UBE2E2: variants seen among roughly 807,000 people sequenced by gnomAD.
UBE2E2 encodes ubiquitin conjugating enzyme E2 E2.
Under a neutral mutation model 24.7 loss-of-function variants are expected in UBE2E2, and 6 were observed. The observed-to-expected ratio is 0.24, with a 90% confidence interval of 0.13 to 0.48. The LOEUF (loss-of-function observed/expected upper bound fraction) is 0.48, where lower values mean the gene tolerates loss of function less well. UBE2E2 is among the 20% of genes least tolerant of loss of function. The pLI, the probability that UBE2E2 is intolerant of heterozygous loss-of-function variation, is 0.99. For synonymous variants in UBE2E2, 104 were observed against 83.6 expected, an observed-to-expected ratio of 1.24 and a Z score of -1.33; for missense variants, 169 against 245.0, an observed-to-expected ratio of 0.69 and a Z score of 2.07.
intron 4 of UBE2E2, among the ~76,000 whole-genome samples, chr3:23,500,699 C>T (rs894161598): frequency 3.3e-5 from 5 of 152,154 alleles, no homozygotes; most frequent in African/African-American, 1.2e-4. Flanking sequence ...AATTCCCCTC[C>T]CTCCTCTTTT....
At chr3:23,247,571 C>T (rs11713392) in intron 3 of UBE2E2, among the ~76,000 whole-genome samples, 25,426 of 152,110 alleles carry the variant, frequency 0.17, 2,258 homozygotes, top group South Asian at 0.25. Context: ...TCAGGCTGGT[C>T]TCAAACTCTC....
chr3:23,296,627 A>G (rs902439418), intron 3 of UBE2E2, among the ~76,000 whole-genome samples: 2 of 152,174 alleles, frequency 1.3e-5, no homozygotes, highest in African/African-American at 2.4e-5. Context: ...GTCCCTGCAA[A>G]GGACATGAAC....
chr3:23,512,618 A>G (rs1320355945), intron 4 of UBE2E2, among the ~76,000 whole-genome samples: 5 of 152,122 alleles, frequency 3.3e-5, no homozygotes, highest in Non-Finnish European at 7.4e-5. Flanking sequence ...AAGGTTAAAT[A>G]AGATTTTTTG....
intron 3 of UBE2E2, among the ~76,000 whole-genome samples, chr3:23,461,695 G>GT (rs1458389846): frequency 6.6e-6 from 1 of 151,936 alleles, no homozygotes; most frequent in Non-Finnish European, 1.5e-5. Context: ...AAAAGCTCAT[G>GT]TTTTTTCATA....
At chr3:23,446,708 T>TTTG (rs1698439307) in intron 3 of UBE2E2, among the ~76,000 whole-genome samples, 1 of 142,414 alleles carries the variant, frequency 7.0e-6, no homozygotes, top group Non-Finnish European at 1.5e-5. Context: ...GGTTTTTTTT[T>TTTG]TTTTTTTTTT....
intron 3 of UBE2E2, among the ~76,000 whole-genome samples, chr3:23,243,275 C>G (rs567917390): frequency 5.3e-5 from 8 of 152,180 alleles, no homozygotes; most frequent in Non-Finnish European, 1.0e-4. Flanking sequence ...AACAATACTA[C>G]TACTAATACC....
chr3:23,507,661 A>G (rs1316810967), intron 4 of UBE2E2, among the ~76,000 whole-genome samples: 1 of 152,180 alleles, frequency 6.6e-6, no homozygotes, highest in Non-Finnish European at 1.5e-5. Flanking sequence ...TTTATCTCCA[A>G]TTATAGAGAA....
At chr3:23,542,734 A>G (rs1695421757) in intron 5 of UBE2E2, among the ~76,000 whole-genome samples, 1 of 152,138 alleles carries the variant, frequency 6.6e-6, no homozygotes. Context: ...CAAGATAAGT[A>G]TTTAATTTTT....
intron 3 of UBE2E2, among the ~76,000 whole-genome samples, chr3:23,333,078 A>G (rs1695109523): frequency 1.3e-5 from 2 of 152,064 alleles, no homozygotes; most frequent in African/African-American, 2.4e-5. Flanking sequence ...ATATCTCTAT[A>G]TTGGTTCTGT....
intron 3 of UBE2E2, among the ~76,000 whole-genome samples, chr3:23,257,256 A>C (rs1271463753): frequency 2.6e-5 from 4 of 152,202 alleles, no homozygotes; most frequent in Non-Finnish European, 5.9e-5. Context: ...CACATGGCTC[A>C]GGCTAAGATC....
intron 5 of UBE2E2, among the ~76,000 whole-genome samples, chr3:23,541,772 A>G (rs1695401864): frequency 6.6e-6 from 1 of 152,198 alleles, no homozygotes; most frequent in African/African-American, 2.4e-5. Flanking sequence ...GTGCTATTCA[A>G]GTGCCTCGGC....
chr3:23,214,106 G>C (rs1696403463), intron 2 of UBE2E2, among the ~76,000 whole-genome samples: 1 of 152,090 alleles, frequency 6.6e-6, no homozygotes. Context: ...TTAGGTAACA[G>C]TAGCTCAAAA....
chr3:23,247,999 AG>A (rs1476734637), intron 3 of UBE2E2, among the ~76,000 whole-genome samples: 2 of 152,256 alleles, frequency 1.3e-5, no homozygotes. Flanking sequence ...ATAAAGCTTT[AG>A]AAAGTCCGTT....
chr3:23,361,797 C>G (rs1246771212), intron 3 of UBE2E2, among the ~76,000 whole-genome samples: 1 of 140,248 alleles, frequency 7.1e-6, no homozygotes, highest in Non-Finnish European at 1.5e-5. Flanking sequence ...CTACTTGCAT[C>G]CCCAAAAACT....
At chr3:23,314,073 G>C (rs1267574593) in intron 3 of UBE2E2, among the ~76,000 whole-genome samples, 1 of 152,082 alleles carries the variant, frequency 6.6e-6, no homozygotes, top group Non-Finnish European at 1.5e-5. Context: ...TTAACTTTTT[G>C]CTGTTTTTAC....
intron 3 of UBE2E2, among the ~76,000 whole-genome samples, chr3:23,396,347 C>T (rs373435008): frequency 7.9e-6 from 1 of 127,250 alleles, no homozygotes; most frequent in Non-Finnish European, 1.7e-5. Flanking sequence ...ATATATATAG[C>T]ATTTTATTTT....
chr3:23,355,127 G>C (rs1338295729), intron 3 of UBE2E2, among the ~76,000 whole-genome samples: 2 of 151,366 alleles, frequency 1.3e-5, no homozygotes, highest in East Asian at 3.9e-4. Context: ...ACTATCACAA[G>C]GACAGAAAAA....
chr3:23,544,547 A>G (rs935471543), intron 5 of UBE2E2, among the ~76,000 whole-genome samples: 1 of 152,228 alleles, frequency 6.6e-6, no homozygotes, highest in Non-Finnish European at 1.5e-5. Flanking sequence ...AGTTAAAAAC[A>G]GTAGATATTG....
At chr3:23,272,298 G>T (rs1239263185) in intron 3 of UBE2E2, among the ~76,000 whole-genome samples, 2 of 149,420 alleles carry the variant, frequency 1.3e-5, no homozygotes, top group Non-Finnish European at 3.0e-5. Context: ...GCTTCTCTGA[G>T]TGTGGGGCCT....
Sources: allele counts gnomAD v4.1 joint callset (sites outside exome capture counted in the v4.1 genomes callset), GRCh38; gene constraint gnomAD v4.1.1; transcripts MANE v1.5; gene names NCBI Gene and HGNC (gene_info 2026-07-23, HGNC 2026-07-21).